The following NCOA1 variants were observed in gnomAD, a reference collection of about 807,000 sequenced individuals.
NCOA1 encodes Hin-2 protein.
A neutral mutation model predicts 150.9 loss-of-function variants in NCOA1; 35 were observed. The observed-to-expected ratio is 0.23, with a 90% CI of 0.18 to 0.31. The LOEUF (loss-of-function observed/expected upper bound fraction) is 0.31, where lower values mean the gene tolerates loss of function less well. Among genes scored for constraint, NCOA1 ranks in the 10% least tolerant of loss-of-function variants. The probability of loss-of-function intolerance (pLI) is 1.00; values close to 1 mark genes in which losing one functional copy is unlikely to be tolerated. For synonymous variants in NCOA1, 590 were observed against 630.0 expected (o/e 0.94, Z 0.95); for missense variants, 1,491 against 1,749.3 (o/e 0.85, Z 2.63).
intron 14 of NCOA1, among the ~76,000 whole-genome samples, chr2:24,720,908 T>C (rs1674329870): frequency 6.6e-6 from 1 of 152,180 alleles, no homozygotes; most frequent in African/African-American, 2.4e-5. Context: ...TTTCCTTACT[T>C]TAGTCTTCAA....
intron 2 of NCOA1, among the ~76,000 whole-genome samples, chr2:24,568,285 G>C (rs1345510485): frequency 6.6e-6 from 1 of 152,160 alleles, no homozygotes; most frequent in Middle Eastern, 3.2e-3. Flanking sequence ...CATTTGCAAA[G>C]TTATATGTCC....
At chr2:24,652,017 G>T (rs536169020) in intron 4 of NCOA1, among the ~76,000 whole-genome samples, 1 of 152,008 alleles carries the variant, frequency 6.6e-6, no homozygotes, top group African/African-American at 2.4e-5. Context: ...TAACCTAACA[G>T]TTCCACTCCT....
chr2:24,589,631 GT>G, intron 3 of NCOA1, among the ~76,000 whole-genome samples: 1 of 392 alleles, frequency 2.6e-3, no homozygotes, highest in African/African-American at 4.0e-3. Context: ...GAGGTTGGTG[GT>G]GTGTGTGTGT....
intron 1 of NCOA1, among the ~76,000 whole-genome samples, chr2:24,512,304 A>C (rs1663968188): frequency 6.6e-6 from 1 of 152,244 alleles, no homozygotes; most frequent in Admixed American, 6.5e-5. Context: ...TTCAGAAGGA[A>C]CAGGGGTTTA....
At chr2:24,639,914 G>GTATA (rs1670111380) in intron 3 of NCOA1, among the ~76,000 whole-genome samples, 1 of 19,570 alleles carries the variant, frequency 5.1e-5, no homozygotes, top group Non-Finnish European at 9.2e-5. Flanking sequence ...GTATGTGTGT[G>GTATA]TGTATATATA....
chr2:24,638,503 G>A (rs1670042171), intron 3 of NCOA1, among the ~76,000 whole-genome samples: 1 of 152,082 alleles, frequency 6.6e-6, no homozygotes, highest in Non-Finnish European at 1.5e-5. Context: ...ATGCCAAGTA[G>A]TAGGATTGCT....
chr2:24,522,827 T>A (rs1664471724), intron 1 of NCOA1, among the ~76,000 whole-genome samples: 1 of 152,216 alleles, frequency 6.6e-6, no homozygotes, highest in Admixed American at 6.5e-5. Flanking sequence ...AGATTCTTGC[T>A]TTTAAGGATT....
chr2:24,711,197 C>T, intron 14 of NCOA1, 86 bp downstream of exon 14: 1 of 1,313,580 alleles, frequency 7.6e-7, no homozygotes, highest in Non-Finnish European at 1.0e-6. Context: ...TACACAGATC[C>T]TTTGCTTAAG....
At chr2:24,583,538 A>G (rs1295733592) in intron 2 of NCOA1, among the ~76,000 whole-genome samples, 3 of 152,162 alleles carry the variant, frequency 2.0e-5, no homozygotes. Context: ...CAATCCCACT[A>G]CTAGGTATTT....
chr2:24,606,075 T>C (rs1224700260), intron 3 of NCOA1, among the ~76,000 whole-genome samples: 1 of 152,192 alleles, frequency 6.6e-6, no homozygotes, highest in Non-Finnish European at 1.5e-5. Flanking sequence ...GAGGTTCTCT[T>C]TAAGATTTTT....
chr2:24,599,951 G>A (rs1464348376), intron 3 of NCOA1, among the ~76,000 whole-genome samples: 3 of 151,838 alleles, frequency 2.0e-5, no homozygotes, highest in Non-Finnish European at 4.4e-5. Flanking sequence ...GGTTGGTCTC[G>A]AACTCCTGAC....
intron 3 of NCOA1, among the ~76,000 whole-genome samples, chr2:24,629,842 A>ATATATATATATATATATG (rs1669618900): frequency 7.3e-6 from 1 of 136,830 alleles, no homozygotes; most frequent in African/African-American, 2.9e-5. Flanking sequence ...ATATATATAT[A>ATATATATATATATATATG]TATATGTATT....
chr2:24,757,671 GTTACCTAGAAGAT>G lies in NCOA1; in HGVS notation c.3882-297_3882-285del, dbSNP rs575145763. On this transcript the variant is annotated intron_variant, in intron 20 of 22. Coordinates refer to ENST00000348332, the MANE Select transcript of NCOA1 (RefSeq NM_003743.5). ...TCTCTGTTTAGATAGGTAAATGTCA[GTTACCTAGAAGAT>G]TTACTTACATGGAAAACTTCCTTTC... is the stretch of plus-strand genomic sequence containing the variant. Among the ~76,000 whole-genome samples the G allele has an allele frequency of 7.4e-3, 1,130 of 152,178 alleles. 11 individuals carry two copies. Among genetic ancestry groups the G allele is most frequent in the African/African-American group, 0.026 (1,059 of 41,506 alleles).
At chr2:24,660,109 T>A (rs911056311) in intron 5 of NCOA1, among the ~76,000 whole-genome samples, 4 of 152,160 alleles carry the variant, frequency 2.6e-5, no homozygotes, top group African/African-American at 9.7e-5. Flanking sequence ...GTACTCATAA[T>A]CACAAGTAAG....
At chr2:24,646,106 T>C (rs1049772279) in intron 4 of NCOA1, among the ~76,000 whole-genome samples, 2 of 152,204 alleles carry the variant, frequency 1.3e-5, no homozygotes, top group Non-Finnish European at 2.9e-5. Flanking sequence ...TTCCTCATTA[T>C]AATGACATTT....
rs1050726856 is a variant in NCOA1 at position 24,725,714 on chromosome 2, C to T, written c.2600-875C>T. ...CTACCTAAAGTGGACCTAAAGTGTG[C>T]GTGTGTGTGTGTGTGTGTGTGTGTG... On this transcript the variant is annotated intron_variant, in intron 14 of 22. Coordinates refer to ENST00000348332, the MANE Select transcript of NCOA1 (RefSeq NM_003743.5). Among the ~76,000 whole-genome samples the T allele has an allele frequency of 2.5e-3, 366 of 148,996 alleles. 2 individuals are homozygous for T. The highest frequency in any genetic ancestry group is 5.1e-3 in the South Asian group (24 of 4,720).
At chr2:24,613,110 CCAA>C (rs1417893453) in intron 3 of NCOA1, among the ~76,000 whole-genome samples, 1 of 151,996 alleles carries the variant, frequency 6.6e-6, no homozygotes, top group Non-Finnish European at 1.5e-5. Context: ...TTTCCATTCC[CCAA>C]CTCCCTAGGG....
intron 13 of NCOA1, among the ~76,000 whole-genome samples, chr2:24,709,548 A>G (rs1293308698): frequency 2.0e-5 from 3 of 152,182 alleles, no homozygotes; most frequent in Admixed American, 1.3e-4. Flanking sequence ...TTCTTTATGT[A>G]TGAGTCCTTT....
At chr2:24,579,397 G>T (rs1324699906) in intron 2 of NCOA1, among the ~76,000 whole-genome samples, 3 of 152,166 alleles carry the variant, frequency 2.0e-5, no homozygotes, top group African/African-American at 7.2e-5. Context: ...TTCTGTATGA[G>T]AAGTCGTTGA....
Sources: allele counts gnomAD v4.1 joint callset (sites outside exome capture counted in the v4.1 genomes callset), GRCh38; gene constraint gnomAD v4.1.1; transcripts MANE v1.5; gene names NCBI Gene and HGNC (gene_info 2026-07-23, HGNC 2026-07-21).